KLHL25: variants seen among roughly 807,000 people sequenced by gnomAD.
The protein encoded by KLHL25 is kelch like family member 25, also known as kelch-like protein 25.
Under a neutral mutation model 30.0 loss-of-function variants are expected in KLHL25, and 41 were observed. The ratio of observed to expected loss-of-function variants is 1.37; its 90% CI spans 1.07 to 1.78. KLHL25 has a LOEUF of 1.78. Among genes scored for constraint, KLHL25 ranks in the 40% most tolerant of loss-of-function variants. The pLI is 0.00. For synonymous variants in KLHL25, 399 were observed against 355.3 expected, an observed-to-expected ratio of 1.12 and a Z score of -1.38; for missense variants, 971 against 824.5, an observed-to-expected ratio of 1.18 and a Z score of -2.18.
intron 1 of KLHL25, among the ~76,000 whole-genome samples, chr15:85,770,125 T>C (rs2089661341): frequency 6.6e-6 from 1 of 152,224 alleles, no homozygotes; most frequent in Non-Finnish European, 1.5e-5. Context: ...CTCCCATGGT[T>C]AAGAGAACAT....
chr15:85,780,058 G>A (rs559328988), intron 1 of KLHL25, among the ~76,000 whole-genome samples: 2 of 152,294 alleles, frequency 1.3e-5, no homozygotes, highest in East Asian at 3.9e-4. Context: ...GCTCAAGGAG[G>A]GGTGGCAGCC....
chr15:85,785,701 G>T (rs1403335044), intron 1 of KLHL25, among the ~76,000 whole-genome samples: 1 of 152,222 alleles, frequency 6.6e-6, no homozygotes, highest in Middle Eastern at 3.4e-3. Context: ...ACCATGTGCA[G>T]TGGCCCCTGC....
chr15:85,790,854 G>A (rs1024172504), intron 1 of KLHL25, among the ~76,000 whole-genome samples: 1 of 151,298 alleles, frequency 6.6e-6, no homozygotes, highest in Non-Finnish European at 1.5e-5. Context: ...CAGAAAATAT[G>A]GTGCAATTTC....
At chr15:85,764,193 T>C (rs1033703242) in intron 2 of KLHL25, 1 of 152,264 alleles carries the variant, frequency 6.6e-6, no homozygotes, top group African/African-American at 2.4e-5. Flanking sequence ...GGCCCTTCTA[T>C]GGAGAGCCCA....
chr15:85,762,430 CTGTGTTCCCTCTCA>C (rs2089589145), intron 2 of KLHL25: 1 of 150,176 alleles, frequency 6.7e-6, no homozygotes, highest in Non-Finnish European at 1.5e-5. Context: ...GGCCAGGCTC[CTGTGTTCCCTCTCA>C]GGCTGGGTCC....
chr15:85,778,098 T>C (rs554227984), intron 1 of KLHL25, among the ~76,000 whole-genome samples: 45 of 152,326 alleles, frequency 3.0e-4, no homozygotes, highest in African/African-American at 1.1e-3. Flanking sequence ...AATACATGCA[T>C]CATGGTTCAG....
At chr15:85,770,951 G>T (rs926923784) in intron 1 of KLHL25, 1 of 221,756 alleles carries the variant, frequency 4.5e-6, no homozygotes, top group Non-Finnish European at 9.1e-6. Context: ...TGAACTCAAG[G>T]CTCAGCCAAC....
chr15:85,768,538 T>A lies in KLHL25; in HGVS notation c.1273A>T (p.Met425Leu), dbSNP rs764860285. The A allele has an allele frequency of 6.8e-6, 11 of 1,613,520 alleles. No individual in the cohort carries two copies. In the Middle Eastern group the frequency reaches 8.3e-4, roughly 121 times the overall value. ...EKYDPGANKW[M>L]MVAPLRDGVS... ...CCATCCCGCAAGGGGGCCACCATCA[T>A]CCACTTGTTGGCCCCAGGGTCGTAT... is the stretch of plus-strand genomic sequence containing the variant. Residue 425 changes from methionine to leucine, a missense_variant, in exon 2 of 3, where the codon ATG becomes TTG. Physicochemically the swap from Met to Leu is conservative, Grantham distance 15 (BLOSUM62 2). Transcript: ENST00000337975.
At chr15:85,787,707 G>C (rs1162852168) in intron 1 of KLHL25, among the ~76,000 whole-genome samples, 1 of 152,134 alleles carries the variant, frequency 6.6e-6, no homozygotes, top group East Asian at 1.9e-4. Flanking sequence ...GGAATATGAC[G>C]ACGCTGTGAA....
Position 85,760,297 on chromosome 15 carries a change from CG to C in KLHL25, c.*738del, listed in dbSNP as rs1567236074. On this transcript the variant is annotated 3_prime_UTR_variant, in exon 3 of 3. Transcript: ENST00000337975. Reference sequence around the variant, plus strand: ...GGGGAGGGGTGACCCCCAGGGCACTCGGAGCCTTGAGTCTGCTGCAGGCCCA... The same window carrying C: ...GGGGAGGGGTGACCCCCAGGGCACTCGAGCCTTGAGTCTGCTGCAGGCCCA... 6.6e-6 allele frequency: 1 copy of C among 152,160 alleles called. No individual in the cohort carries two copies. Among genetic ancestry groups the C allele is most frequent in the African/African-American group, 2.4e-5 (1 of 41,392 alleles). The allele number at this position is 152,160 out of a possible 1,614,324, so 9.4% of individuals were successfully genotyped here.
chr15:85,772,011 C>A (rs957801560), intron 1 of KLHL25, among the ~76,000 whole-genome samples: 31 of 152,156 alleles, frequency 2.0e-4, no homozygotes, highest in African/African-American at 7.0e-4. Flanking sequence ...CCAGACCCTG[C>A]GACATTTCCC....
intron 1 of KLHL25, chr15:85,770,849 C>T: frequency 5.9e-6 from 2 of 340,928 alleles, no homozygotes; most frequent in South Asian, 4.5e-5. Context: ...GGCCAAGAAA[C>T]AGGTTCACTA....
chr15:85,791,109 C>T (rs2089813454), intron 1 of KLHL25, among the ~76,000 whole-genome samples: 7 of 146,260 alleles, frequency 4.8e-5, no homozygotes, highest in Admixed American at 3.5e-4. Flanking sequence ...AGGCAGACAA[C>T]TGGTTGACTT....
chr15:85,790,444 T>C (rs978225337), intron 1 of KLHL25, among the ~76,000 whole-genome samples: 1 of 152,194 alleles, frequency 6.6e-6, no homozygotes, highest in African/African-American at 2.4e-5. Context: ...AAGCTCTTCC[T>C]GACCAGAAAG....
rs992500566 is a variant in KLHL25 at position 85,759,802 on chromosome 15, T to A, written c.*1234A>T. 1.3e-5 allele frequency: 2 copies of A among 152,272 alleles called. No homozygotes were observed. Among genetic ancestry groups the A allele is most frequent in the African/African-American group, 4.8e-5 (2 of 41,444 alleles). The allele number at this position is 152,272 out of a possible 1,614,324, so 9.4% of individuals were successfully genotyped here. A position where few individuals can be genotyped will look rare whatever the true frequency, so the allele number is the denominator to read the frequency against. ...TGCAGGTGCCTGGGAAGCCCCAAGT[T>A]TGGACACCCTGCCCAGTCCCTGTCA... On this transcript the variant is annotated 3_prime_UTR_variant, in exon 3 of 3. Transcript: ENST00000337975.
rs774020015 is a variant in KLHL25, at chr15:85,769,055, G to A, written c.756C>T (p.Ser252=). Residue 252 remains serine (S), a synonymous_variant, in exon 2 of 3, where the codon AGC becomes AGT. Transcript: ENST00000337975. The part of the protein sequence containing the change: ...PSDCLQEAVS[S]EALLMADERT... ...GCTCGTCTGCCATGAGGAGGGCCTC[G>A]CTGGAGACGGCCTCCTGCAGGCAGT... 2.5e-6 allele frequency: 4 copies of A among 1,606,686 alleles called. No homozygotes were observed. The highest frequency in any genetic ancestry group is 3.3e-5 in the Admixed American group (2 of 59,894).
At chr15:85,778,931 T>C (rs972107447) in intron 1 of KLHL25, among the ~76,000 whole-genome samples, 1 of 152,140 alleles carries the variant, frequency 6.6e-6, no homozygotes, top group African/African-American at 2.4e-5. Context: ...GAGCAGCCTC[T>C]GTGATCAGAT....
intron 2 of KLHL25, chr15:85,763,965 G>A (rs1301169823): frequency 6.6e-6 from 1 of 152,258 alleles, no homozygotes; most frequent in Non-Finnish European, 1.5e-5. Flanking sequence ...TGGTCACCAG[G>A]GGCACCCACC....
Position 85,769,465 on chromosome 15 carries a change from T to G in KLHL25, c.346A>C (p.Asn116His), listed in dbSNP as rs2089653534. 6.2e-7 allele frequency: 1 copy of G among 1,613,998 alleles called. No homozygotes were observed. Among genetic ancestry groups the G allele is most frequent in the Non-Finnish European group, 8.5e-7 (1 of 1,180,010 alleles). ...YSSRIAINEE[N>H]AESLLEAGDM... ...CCTGCCTCCAGCAGTGACTCAGCGTTCTCCTCGTTGATGGCGATGCGTGAG... is the reference window on the plus strand; with the variant it reads ...CCTGCCTCCAGCAGTGACTCAGCGTGCTCCTCGTTGATGGCGATGCGTGAG... The change falls in exon 2 of 3, where the codon AAC (asparagine) becomes CAC (histidine). Residue 116 changes from asparagine (N) to histidine (H), a missense_variant. Asn to His is a moderately conservative substitution (Grantham distance 68, BLOSUM62 1). Transcript: ENST00000337975.
Sources: allele counts gnomAD v4.1 joint callset (sites outside exome capture counted in the v4.1 genomes callset), GRCh38; gene constraint gnomAD v4.1.1; transcripts MANE v1.5; gene names NCBI Gene and HGNC (gene_info 2026-07-23, HGNC 2026-07-21).